PDE9A: variants seen among roughly 807,000 people sequenced by gnomAD.
The protein encoded by PDE9A is high affinity cGMP-specific 3',5'-cyclic phosphodiesterase 9A.
Under a neutral mutation model 87.4 loss-of-function variants are expected in PDE9A, and 60 were observed. That is an observed-to-expected ratio of 0.69 (90% CI 0.56 to 0.85). PDE9A has a LOEUF of 0.85. PDE9A is among the 40% of genes least tolerant of loss of function. The pLI, the probability that PDE9A is intolerant of heterozygous loss-of-function variation, is 0.00. For synonymous variants in PDE9A, 272 were observed against 279.4 expected (o/e 0.97, Z 0.27); for missense variants, 665 against 779.0 (o/e 0.85, Z 1.74).
Position 42,653,842 on chromosome 21 carries a change from C to A in PDE9A, c.28C>A (p.Pro10Thr). The A allele has an allele frequency of 6.4e-7, 1 of 1,570,786 alleles. No homozygotes were observed. Among genetic ancestry groups the A allele is most frequent in the Admixed American group, 1.8e-5 (1 of 56,296 alleles). Residue 10 changes from proline (P) to threonine (T), a missense_variant, in exon 1 of 20, where the codon CCC becomes ACC. Coordinates refer to ENST00000291539, the MANE Select transcript of PDE9A (RefSeq NM_002606.3). Reference sequence around the variant, plus strand: ...GGGATCCGGCTCCTCCAGCTACCGGCCCAAGGCCATCTACCTGGACATCGA... The same window carrying A: ...GGGATCCGGCTCCTCCAGCTACCGGACCAAGGCCATCTACCTGGACATCGA... MGSGSSSYR[P>T]KAIYLDIDGR...
intron 4 of PDE9A, among the ~76,000 whole-genome samples, chr21:42,713,319 AGACAGGGTTTCACCATGTTG>A (rs2049518689): frequency 1.3e-5 from 2 of 152,162 alleles, no homozygotes; most frequent in Non-Finnish European, 2.9e-5. Context: ...TTTTTAGTAG[AGACAGGGTTTCACCATGTTG>A]GTCAGGGTGG....
intron 10 of PDE9A, 96 bp downstream of exon 10, chr21:42,754,160 G>C: frequency 1.5e-6 from 1 of 669,104 alleles, no homozygotes; most frequent in South Asian, 1.7e-5. Context: ...CCTCCTTCTT[G>C]CTTTTTCCTC....
intron 1 of PDE9A, among the ~76,000 whole-genome samples, chr21:42,670,208 CTT>C (rs1265788175): frequency 1.4e-4 from 16 of 117,490 alleles, no homozygotes; most frequent in East Asian, 4.4e-4. Context: ...CACACATACA[CTT>C]ACATTCACAC....
chr21:42,726,133 A>C (rs2051006784), intron 4 of PDE9A, among the ~76,000 whole-genome samples: 1 of 152,080 alleles, frequency 6.6e-6, no homozygotes, highest in Admixed American at 6.6e-5. Flanking sequence ...CCATCTGCTC[A>C]TCTCTTGCCC....
At chr21:42,688,850 G>T (rs566593763) in intron 3 of PDE9A, among the ~76,000 whole-genome samples, 1 of 152,366 alleles carries the variant, frequency 6.6e-6, no homozygotes, top group South Asian at 2.1e-4. Context: ...GCCCACAGGA[G>T]AAAGTGCATG....
chr21:42,694,324 A>G lies in PDE9A; in HGVS notation c.219-4644A>G, dbSNP rs937151091. Reference sequence around the variant, plus strand: ...CCCCCCAGCCTCAGGCCCAGGAACCATGTCTTTGGAGGAGGCTCTCCTGCT... The same window carrying G: ...CCCCCCAGCCTCAGGCCCAGGAACCGTGTCTTTGGAGGAGGCTCTCCTGCT... On this transcript the variant is annotated intron_variant, in intron 3 of 19. Transcript: ENST00000291539. This position sits in a 1 kb window ranked among gnomAD's most constrained non-coding sequence, Gnocchi z 5.3. 1.3e-5 allele frequency among the ~76,000 whole-genome samples: 2 copies of G among 152,194 alleles called. No homozygotes were observed. The highest frequency in any genetic ancestry group is 4.8e-5 in the African/African-American group (2 of 41,458).
At chr21:42,715,938 G>A (rs1369388459) in intron 4 of PDE9A, among the ~76,000 whole-genome samples, 2 of 151,696 alleles carry the variant, frequency 1.3e-5, no homozygotes, top group East Asian at 3.9e-4. Flanking sequence ...CCAAGCCCCA[G>A]ATCTTTTTAC....
intron 4 of PDE9A, among the ~76,000 whole-genome samples, chr21:42,706,058 C>T (rs1243291255): frequency 2.6e-5 from 4 of 152,206 alleles, no homozygotes; most frequent in Non-Finnish European, 4.4e-5. Flanking sequence ...GGCCGGCGGC[C>T]GGCAGGGTGG....
intron 4 of PDE9A, among the ~76,000 whole-genome samples, chr21:42,717,294 CTTTTTTTT>C (rs57599893): frequency 2.3e-5 from 2 of 85,186 alleles, no homozygotes; most frequent in South Asian, 9.4e-4. Context: ...TGGAACATGC[CTTTTTTTT>C]TTTTTTTTTT....
intron 10 of PDE9A, 139 bp downstream of exon 10, chr21:42,754,203 C>G (rs889432829): frequency 1.5e-5 from 9 of 597,108 alleles, no homozygotes; most frequent in Non-Finnish European, 2.7e-5. Context: ...AAAAACAAAA[C>G]TTGTTTTGCC....
At chr21:42,765,082 G>T (rs868067870) in intron 14 of PDE9A, among the ~76,000 whole-genome samples, 19 of 151,916 alleles carry the variant, frequency 1.3e-4, no homozygotes, top group Admixed American at 2.6e-4. Context: ...TGGATGGGTG[G>T]ATGAATGGAC....
intron 3 of PDE9A, among the ~76,000 whole-genome samples, chr21:42,690,326 T>G (rs2059744629): frequency 6.6e-6 from 1 of 151,738 alleles, no homozygotes; most frequent in South Asian, 2.1e-4. Context: ...ATGCATAGGG[T>G]GTGGATCTAA....
chr21:42,659,916 G>T lies in PDE9A; in HGVS notation c.69+6033G>T, dbSNP rs1445034728. On this transcript the variant is annotated intron_variant, in intron 1 of 19. Coordinates refer to ENST00000291539, the MANE Select transcript of PDE9A (RefSeq NM_002606.3). This position sits in a 1 kb window ranked among gnomAD's most constrained non-coding sequence, Gnocchi z 4.1. ...ACTGTCCCCGTCAGACGCCTCAGAT[G>T]AACTGACATGCAAATGAGAGATGAA... 6.6e-6 allele frequency among the ~76,000 whole-genome samples: 1 copy of T among 152,198 alleles called. No individual in the cohort carries two copies. Among genetic ancestry groups the T allele is most frequent in the African/African-American group, 2.4e-5 (1 of 41,458 alleles).
chr21:42,748,121 T>C (rs1290987371), intron 8 of PDE9A, among the ~76,000 whole-genome samples: 1 of 152,174 alleles, frequency 6.6e-6, no homozygotes, highest in Non-Finnish European at 1.5e-5. Flanking sequence ...ATAACCCTCC[T>C]GGGGAATGCA....
At chr21:42,698,501 GGA>G (rs2060263510) in intron 3 of PDE9A, among the ~76,000 whole-genome samples, 1 of 152,128 alleles carries the variant, frequency 6.6e-6, no homozygotes, top group Non-Finnish European at 1.5e-5. Flanking sequence ...GATGATGGGG[GGA>G]GGGGGGTTGA....
intron 4 of PDE9A, among the ~76,000 whole-genome samples, chr21:42,725,967 C>T (rs923762620): frequency 3.3e-5 from 5 of 152,128 alleles, no homozygotes; most frequent in African/African-American, 9.7e-5. Flanking sequence ...GTGAGTGAGC[C>T]GTGTTTCCAC....
At chr21:42,728,762 G>A (rs1436798524) in intron 4 of PDE9A, among the ~76,000 whole-genome samples, 1 of 152,118 alleles carries the variant, frequency 6.6e-6, no homozygotes, top group Non-Finnish European at 1.5e-5. Context: ...CACTTTGGGA[G>A]GCCAAGGCAG....
At chr21:42,655,650 G>A (rs2057005196) in intron 1 of PDE9A, among the ~76,000 whole-genome samples, 2 of 152,140 alleles carry the variant, frequency 1.3e-5, no homozygotes, top group South Asian at 4.1e-4. Flanking sequence ...CATAAAGAAG[G>A]GATAATAAAA....
chr21:42,654,549 G>C (rs983035918), intron 1 of PDE9A, among the ~76,000 whole-genome samples: 1 of 152,190 alleles, frequency 6.6e-6, no homozygotes, highest in African/African-American at 2.4e-5. Flanking sequence ...CGGCTTGGAA[G>C]GGGCTCTCAT....
Sources: gnomAD v4.1 joint callset for allele counts (sites outside exome capture counted in the v4.1 genomes callset) on GRCh38, gnomAD v4.1.1 for gene constraint, Gnocchi (gnomAD v3.1) non-coding constraint, MANE v1.5 for transcripts, NCBI Gene and HGNC (gene_info 2026-07-23, HGNC 2026-07-21) for gene names.